The following TMEM143 variants were observed in gnomAD, a reference collection of about 807,000 sequenced individuals.
TMEM143 encodes transmembrane protein 143.
A neutral mutation model predicts 40.3 loss-of-function variants in TMEM143; 45 were observed. The observed-to-expected ratio is 1.12, with a 90% confidence interval of 0.88 to 1.43. TMEM143 has a LOEUF of 1.43. Ranked by LOEUF, TMEM143 falls within the 40% of genes most tolerant of loss-of-function variation. The pLI is 0.00. For missense variants in TMEM143, 620 were observed against 613.4 expected, an observed-to-expected ratio of 1.01 and a Z score of -0.11; for synonymous variants, 299 against 282.7, an observed-to-expected ratio of 1.06 and a Z score of -0.58.
At position 48,358,633 on chromosome 19, in the gene TMEM143, G is replaced by A. The variant is rs549331165; in HGVS notation, c.369+1439C>T. Among the ~76,000 whole-genome samples the A allele has an allele frequency of 4.6e-5, 7 of 152,170 alleles. No individual in the cohort carries two copies. The East Asian group carries it at 9.7e-4, about 21-fold the overall frequency. The stretch of plus-strand genomic sequence containing the variant: ...ACAGCCAGCACATCAGCAAAACGCT[G>A]ATGCCTTCCAACATAACCAGCATCT... On this transcript the variant is annotated intron_variant, in intron 3 of 7. Transcript: ENST00000293261.
At chr19:48,362,466 G>A (rs1442648450) in intron 2 of TMEM143, among the ~76,000 whole-genome samples, 1 of 152,194 alleles carries the variant, frequency 6.6e-6, no homozygotes, top group Admixed American at 6.5e-5. Flanking sequence ...AGAGGTTGCA[G>A]TGAGCTGAGA....
chr19:48,359,987 G>A (rs1970001210), intron 3 of TMEM143, 85 bp downstream of exon 3: 2 of 1,364,868 alleles, frequency 1.5e-6, no homozygotes, highest in Non-Finnish European at 1.0e-6. Flanking sequence ...ATAAGGGCCA[G>A]GCTCCAAGAA....
chr19:48,350,176 T>C (rs150136020), intron 3 of TMEM143, among the ~76,000 whole-genome samples: 3 of 151,534 alleles, frequency 2.0e-5, no homozygotes, highest in African/African-American at 7.3e-5. Flanking sequence ...ATTTTTTTTT[T>C]TGTTGTACTT....
Position 48,345,357 on chromosome 19 carries a change from A to G in TMEM143, c.370-3T>C. The G allele has an allele frequency of 6.5e-7, 1 of 1,533,140 alleles. No individual in the cohort carries two copies. 95.0% of individuals were successfully genotyped at this position (1,533,140 alleles called of 1,614,324 possible). A position where few individuals can be genotyped will look rare whatever the true frequency, so the allele number is the denominator to read the frequency against. Reference sequence around the variant, plus strand: ...GGGTTGATGGGGTCATATAAGGCCTAAGAGGAGAGTCAGAGAGAAAAAGAT... The same window carrying G: ...GGGTTGATGGGGTCATATAAGGCCTGAGAGGAGAGTCAGAGAGAAAAAGAT... On this transcript the variant is annotated splice_region_variant and splice_polypyrimidine_tract_variant and intron_variant, in intron 3 of 7. Transcript: ENST00000293261.
intron 3 of TMEM143, among the ~76,000 whole-genome samples, chr19:48,348,125 C>A (rs982464011): frequency 6.6e-6 from 1 of 152,060 alleles, no homozygotes; most frequent in African/African-American, 2.4e-5. Context: ...CTAGGCTGGT[C>A]GAGCAGTTCT....
chr19:48,363,270 T>A, intron 2 of TMEM143, 21 bp downstream of exon 2: 1 of 1,602,428 alleles, frequency 6.2e-7, no homozygotes, highest in Non-Finnish European at 8.5e-7. Flanking sequence ...CCCAGGCTCT[T>A]GGGCCTGGGA....
At chr19:48,361,600 G>A (rs887054911) in intron 2 of TMEM143, among the ~76,000 whole-genome samples, 3 of 146,714 alleles carry the variant, frequency 2.0e-5, no homozygotes. Context: ...GCACGATCTC[G>A]GCTCACTGCA....
intron 2 of TMEM143, chr19:48,360,575 C>CAA (rs66559365): frequency 8.1e-4 from 82 of 101,258 alleles, no homozygotes; most frequent in African/African-American, 2.0e-3. Flanking sequence ...GACTCTGTCT[C>CAA]AAAAAAAAAA....
intron 6 of TMEM143, 56 bp from the exon 7 acceptor site, chr19:48,334,253 A>C (rs1969291453): frequency 2.0e-6 from 3 of 1,511,738 alleles, no homozygotes; most frequent in Non-Finnish European, 2.7e-6. Flanking sequence ...CCACCCATAC[A>C]CAGCCCCCGG....
At chr19:48,338,676 G>A (rs1020044183) in intron 6 of TMEM143, among the ~76,000 whole-genome samples, 1 of 152,170 alleles carries the variant, frequency 6.6e-6, no homozygotes. Flanking sequence ...TGTGTCCAGG[G>A]ACCCCACACC....
At position 48,352,262 on chromosome 19, in the gene TMEM143, A is replaced by AAAAAAAAAAC. The variant is rs74518287; in HGVS notation, c.370-6909_370-6908insGTTTTTTTTT. Reference sequence around the variant, plus strand: ...ACTCTGTCTCAAAAAAAAAAAAAAAACACCATATCTGCATATAACCTCTAC... The same window carrying AAAAAAAAAAC: ...ACTCTGTCTCAAAAAAAAAAAAAAAAAAAAAAAAACCACCATATCTGCATATAACCTCTAC... On this transcript the variant is annotated intron_variant, in intron 3 of 7. Transcript: ENST00000293261. 2.5e-4 allele frequency among the ~76,000 whole-genome samples: 37 copies of AAAAAAAAAAC among 145,184 alleles called. 1 individual carries two copies. The highest frequency in any genetic ancestry group is 7.9e-4 in the African/African-American group (31 of 39,150).
chr19:48,352,107 C>T (rs866889654), intron 3 of TMEM143, among the ~76,000 whole-genome samples: 2 of 151,312 alleles, frequency 1.3e-5, no homozygotes, highest in Non-Finnish European at 2.9e-5. Flanking sequence ...ATTAGCTGAG[C>T]GCGGTGGTGG....
At chr19:48,347,263 G>A (rs577218142) in intron 3 of TMEM143, among the ~76,000 whole-genome samples, 9 of 152,088 alleles carry the variant, frequency 5.9e-5, no homozygotes, top group Non-Finnish European at 1.3e-4. Context: ...TGGGAGCAGG[G>A]GTCCTATGAA....
intron 2 of TMEM143, among the ~76,000 whole-genome samples, chr19:48,362,588 G>A (rs946443582): frequency 3.3e-5 from 5 of 152,146 alleles, no homozygotes; most frequent in African/African-American, 1.2e-4. Flanking sequence ...TGACAATGAT[G>A]ATGATGGTGG....
intron 6 of TMEM143, among the ~76,000 whole-genome samples, chr19:48,335,086 T>C (rs1290099703): frequency 6.6e-6 from 1 of 152,234 alleles, no homozygotes; most frequent in Non-Finnish European, 1.5e-5. Flanking sequence ...TTTAGAGACA[T>C]AATAAAGTAT....
At position 48,342,795 on chromosome 19, in the gene TMEM143, C is replaced by A; in HGVS notation, c.710G>T (p.Arg237Leu). Residue 237 changes from arginine (R) to leucine (L), a missense_variant, in exon 6 of 8, where the codon CGG becomes CTG. Physicochemically the swap from Arg to Leu is moderately radical, Grantham distance 102 (BLOSUM62 -2). Coordinates refer to ENST00000293261, the MANE Select transcript of TMEM143 (RefSeq NM_018273.4). ...LPPAERRYFKRVVLAARTKRG... is the reference protein window; with the variant it reads ...LPPAERRYFKLVVLAARTKRG... ...TTTGGTCCGGGCTGCCAGGACCACC[C>A]GCTTAAAGTATCTCCTGAGGGACAG... The A allele has an allele frequency of 1.9e-6, 3 of 1,604,822 alleles. No homozygotes were observed. Among genetic ancestry groups the A allele is most frequent in the South Asian group, 1.1e-5 (1 of 90,602 alleles).
intron 6 of TMEM143, among the ~76,000 whole-genome samples, chr19:48,334,721 T>C (rs888256697): frequency 6.6e-6 from 1 of 151,826 alleles, no homozygotes; most frequent in African/African-American, 2.4e-5. Flanking sequence ...GCCTCCTAAG[T>C]AGCTGGGACT....
At chr19:48,337,778 T>C (rs1969403750) in intron 6 of TMEM143, among the ~76,000 whole-genome samples, 1 of 152,094 alleles carries the variant, frequency 6.6e-6, no homozygotes, top group Non-Finnish European at 1.5e-5. Flanking sequence ...GACTGTACCC[T>C]CTTCTCACCA....
rs1220075673 is a variant in TMEM143, at chr19:48,342,613, T to C, written c.892A>G (p.Met298Val). The C allele has an allele frequency of 5.0e-6, 8 of 1,613,888 alleles. No individual in the cohort carries two copies. The highest frequency in any genetic ancestry group is 1.3e-5 in the African/African-American group (1 of 75,056). Residue 298 changes from methionine to valine, a missense_variant, in exon 6 of 8, where the codon ATG becomes GTG. By Grantham distance (21) the Met-to-Val change is conservative (BLOSUM62 1). Transcript: ENST00000293261. ...ACCTTGAGGTCGGTTAGCACCACCA[T>C]GCCCACGTTGACGAAGATCGCCACG... ...SGVAIFVNVG[M>V]VVLTDLKVAT...
Sources: allele counts gnomAD v4.1 joint callset (sites outside exome capture counted in the v4.1 genomes callset), GRCh38; gene constraint gnomAD v4.1.1; transcripts MANE v1.5; gene names NCBI Gene and HGNC (gene_info 2026-07-23, HGNC 2026-07-21).